RSL1D1: variants seen among roughly 807,000 people sequenced by gnomAD.
The protein encoded by RSL1D1 is ribosomal L1 domain containing 1.
In RSL1D1, 34 loss-of-function variants were observed where a neutral mutation model predicts 44.6. The observed-to-expected ratio is 0.76, with a 90% CI of 0.58 to 1.02. The LOEUF (loss-of-function observed/expected upper bound fraction) is 1.02. Ranked by LOEUF, RSL1D1 falls within the 50% of genes least tolerant of loss-of-function variation. The pLI, the probability that RSL1D1 is intolerant of heterozygous loss-of-function variation, is 0.00. For synonymous variants in RSL1D1, 271 were observed against 207.4 expected (o/e 1.31, Z -2.63); for missense variants, 767 against 568.1 (o/e 1.35, Z -3.56).
In RSL1D1 at chr16:11,834,135, T is replaced by C. The variant is rs542700485; in HGVS notation, c.*3652A>G. The C allele has an allele frequency of 2.6e-5, 4 of 152,292 alleles. No individual in the cohort carries two copies. In the South Asian group the frequency reaches 8.3e-4, roughly 32 times the overall value. 9.4% of individuals were successfully genotyped at this position (152,292 alleles called of 1,614,324 possible). ...ACTGTTGGCTCCTAGCACTATCAGCTGGCTAGGAATGTGTATGCAACACTT... is the reference window on the plus strand; with the variant it reads ...ACTGTTGGCTCCTAGCACTATCAGCCGGCTAGGAATGTGTATGCAACACTT... On this transcript the variant is annotated 3_prime_UTR_variant, in exon 9 of 9. Coordinates refer to ENST00000571133, the MANE Select transcript of RSL1D1 (RefSeq NM_015659.3).
intron 5 of RSL1D1, among the ~76,000 whole-genome samples, chr16:11,845,590 A>G (rs1446123101): frequency 6.6e-6 from 1 of 152,222 alleles, no homozygotes; most frequent in Non-Finnish European, 1.5e-5. Context: ...TTCAGCTTCT[A>G]ACACAGTAGC....
At chr16:11,843,862 ACT>A (rs1398606869) in intron 5 of RSL1D1, among the ~76,000 whole-genome samples, 1 of 93,032 alleles carries the variant, frequency 1.1e-5, no homozygotes, top group Non-Finnish European at 2.0e-5. Flanking sequence ...CAGAGCAAGA[ACT>A]CTGTCTCAAA....
intron 3 of RSL1D1, 180 bp downstream of exon 3, chr16:11,847,488 G>A (rs1351295146): frequency 3.6e-6 from 2 of 558,702 alleles, no homozygotes; most frequent in East Asian, 6.1e-5. Context: ...GGAATGACAC[G>A]AGCCACCTCT....
rs752219883 is a variant in RSL1D1 at position 11,851,492 on chromosome 16, G to C, written c.21C>G (p.Ala7=). 4 of 1,613,892 alleles carry C rather than the reference G, an allele frequency of 2.5e-6. No homozygotes were observed. Among genetic ancestry groups the C allele is most frequent in the Admixed American group, 3.3e-5 (2 of 60,020 alleles). The change falls in exon 1 of 9, where the codon GCC becomes GCG. Residue 7 remains alanine (A), a synonymous_variant. Coordinates refer to ENST00000571133, the MANE Select transcript of RSL1D1 (RefSeq NM_015659.3). ...CAGTAGCGGCTGCAGAAGACAGCGA[G>C]GCCGAGGCCGAATCCTCCATCTTGT... MEDSAS[A]SLSSAAATGT... is the part of the protein sequence containing the mutation.
Position 11,846,549 on chromosome 16 carries a change from T to G in RSL1D1, c.587A>C (p.Asp196Ala), listed in dbSNP as rs1260383631. The change falls in exon 5 of 9, where the codon GAC (aspartate) becomes GCC (alanine). Residue 196 changes from aspartate to alanine, a missense_variant. By Grantham distance (126) the Asp-to-Ala change is moderately radical. Coordinates refer to ENST00000571133, the MANE Select transcript of RSL1D1 (RefSeq NM_015659.3). ...GTTTAAGACTGTTCCACCTATACAG[T>G]CATTGATCTCTCTTGATAAATTCTT... ...LSKNLSREIN[D>A]CIGGTVLNIS... The G allele has an allele frequency of 1.2e-5, 20 of 1,607,778 alleles. No homozygotes were observed. Among genetic ancestry groups the G allele is most frequent in the Non-Finnish European group, 1.7e-5 (20 of 1,177,346 alleles).
At chr16:11,840,500 G>C (rs948860343) in intron 7 of RSL1D1, among the ~76,000 whole-genome samples, 1 of 152,156 alleles carries the variant, frequency 6.6e-6, no homozygotes, top group Non-Finnish European at 1.5e-5. Context: ...CTGGAAGGCG[G>C]GGGGTTGTAG....
Position 11,836,716 on chromosome 16 carries a change from G to C in RSL1D1, c.*1071C>G, listed in dbSNP as rs2141249295. 1 of 152,246 alleles carries C rather than the reference G, an allele frequency of 6.6e-6. No individual in the cohort carries two copies. Among genetic ancestry groups the C allele is most frequent in the Middle Eastern group, 3.4e-3 (1 of 294 alleles). 9.4% of individuals were successfully genotyped at this position (152,246 alleles called of 1,614,324 possible). A position where few individuals can be genotyped will look rare whatever the true frequency, so the allele number is the denominator to read the frequency against. On this transcript the variant is annotated 3_prime_UTR_variant, in exon 9 of 9. Coordinates refer to ENST00000571133, the MANE Select transcript of RSL1D1 (RefSeq NM_015659.3). ...CCATGTTAATTTCCCTTCCCATATG[G>C]ATGCTAATCCAGTGACTCATAAGCT... is the stretch of plus-strand genomic sequence containing the variant.
chr16:11,846,713 T>A lies in RSL1D1; in HGVS notation c.515A>T (p.His172Leu). 6.2e-7 allele frequency: 1 copy of A among 1,613,910 alleles called. No homozygotes were observed. The highest frequency in any genetic ancestry group is 8.5e-7 in the Non-Finnish European group (1 of 1,179,952). Reference protein sequence around the residue: ...RRLLPSLIGRHFYQRKKVPVS... With the variant: ...RRLLPSLIGRLFYQRKKVPVS... ...AACTTACTTCTTTCTTTGATAGAAA[T>A]GTCTCCCAATGAGTGAGGGTAAGAG... Residue 172 changes from histidine (H) to leucine (L), a missense_variant, in exon 4 of 9, where the codon CAT (histidine) becomes CTT (leucine). His to Leu is a moderately conservative substitution (Grantham distance 99). Coordinates refer to ENST00000571133, the MANE Select transcript of RSL1D1 (RefSeq NM_015659.3).
At chr16:11,841,575 A>C (rs1596439446) in intron 7 of RSL1D1, 120 bp downstream of exon 7, 1 of 906,510 alleles carries the variant, frequency 1.1e-6, no homozygotes, top group Non-Finnish European at 1.7e-6. Context: ...CAAAAGCACA[A>C]CCACCACAAA....
At chr16:11,846,224 C>T (rs963383168) in intron 5 of RSL1D1, among the ~76,000 whole-genome samples, 2 of 151,128 alleles carry the variant, frequency 1.3e-5, no homozygotes, top group Non-Finnish European at 3.0e-5. Context: ...AACCCTGTCT[C>T]TACTAAAAAT....
At chr16:11,849,747 T>G (rs1213664365) in intron 2 of RSL1D1, among the ~76,000 whole-genome samples, 1 of 152,226 alleles carries the variant, frequency 6.6e-6, no homozygotes, top group Non-Finnish European at 1.5e-5. Context: ...ACGTTTTCGA[T>G]TCAACAGACC....
Position 11,836,370 on chromosome 16 carries a change from T to C in RSL1D1, c.*1417A>G, listed in dbSNP as rs2053718596. ...AAGCCACTGCATCTAGCACCCACAT[T>C]ATCTTTGAAAGCAGTTGAGTCTTTG... On this transcript the variant is annotated 3_prime_UTR_variant, in exon 9 of 9. Coordinates refer to ENST00000571133, the MANE Select transcript of RSL1D1 (RefSeq NM_015659.3). The C allele has an allele frequency of 6.6e-6, 1 of 152,204 alleles. No individual in the cohort carries two copies. The highest frequency in any genetic ancestry group is 1.5e-5 in the Non-Finnish European group (1 of 68,050). 9.4% of individuals were successfully genotyped at this position (152,204 alleles called of 1,614,324 possible). A position where few individuals can be genotyped will look rare whatever the true frequency, so the allele number is the denominator to read the frequency against.
In RSL1D1 at chr16:11,837,998, G is replaced by C; in HGVS notation, c.1262C>G (p.Ser421Cys). 1 of 1,613,958 alleles carries C rather than the reference G, an allele frequency of 6.2e-7. No individual in the cohort carries two copies. Among genetic ancestry groups the C allele is most frequent in the Non-Finnish European group, 8.5e-7 (1 of 1,180,026 alleles). Residue 421 changes from serine to cysteine, a missense_variant, in exon 9 of 9, where the codon TCT (serine) becomes TGT (cysteine). By Grantham distance (112) the Ser-to-Cys change is moderately radical. Transcript: ENST00000571133. ...PASETPKAAE[S>C]ETPGKSPEKK... The stretch of plus-strand genomic sequence containing the variant: ...CTCTGGGCTTTTCCCTGGGGTCTCA[G>C]ACTCTGCAGCTTTTGGGGTCTCAGA...
At chr16:11,841,857 C>CT in intron 6 of RSL1D1, 37 bp from the exon 7 acceptor site, 1 of 1,612,192 alleles carries the variant, frequency 6.2e-7, no homozygotes, top group Non-Finnish European at 8.5e-7. Flanking sequence ...TCTACATATA[C>CT]TTTGTTTCTT....
intron 3 of RSL1D1, among the ~76,000 whole-genome samples, chr16:11,847,271 A>G (rs1254174719): frequency 2.0e-5 from 3 of 152,182 alleles, no homozygotes; most frequent in Admixed American, 2.0e-4. Flanking sequence ...GCTATTCGGT[A>G]GGCTGAGGTG....
chr16:11,843,871 C>CAAAAAA lies in RSL1D1; in HGVS notation c.636-1877_636-1872dup, dbSNP rs35833714. Among the ~76,000 whole-genome samples, 139 of 53,488 alleles carry CAAAAAA rather than the reference C, an allele frequency of 2.6e-3. 6 individuals carry two copies. Among genetic ancestry groups the CAAAAAA allele is most frequent in the African/African-American group, 6.0e-3 (93 of 15,608 alleles). The allele number at this position is 53,488 out of a possible 152,430, so 35.1% of individuals were successfully genotyped here. A position where few individuals can be genotyped will look rare whatever the true frequency, so the allele number is the denominator to read the frequency against. On this transcript the variant is annotated intron_variant, in intron 5 of 8. Coordinates refer to ENST00000571133, the MANE Select transcript of RSL1D1 (RefSeq NM_015659.3). ...GGGCGACAGAGCAAGAACTCTGTCT[C>CAAAAAA]AAAAAAAAAAAAAAAAAAAAAAAAG...
In RSL1D1 at chr16:11,835,182, ATGT is replaced by A. The variant is rs2053707778; in HGVS notation, c.*2602_*2604del. 1 of 149,710 alleles carries A rather than the reference ATGT, an allele frequency of 6.7e-6. No homozygotes were observed. Among genetic ancestry groups the A allele is most frequent in the South Asian group, 2.2e-4 (1 of 4,538 alleles). 9.3% of individuals were successfully genotyped at this position (149,710 alleles called of 1,614,324 possible). ...CTCCTCTAATTTCAGGGAGAGCTAGATGTTTTTTTTTTTCTCTTTTTTTCAGTT... is the reference window on the plus strand; with the variant it reads ...CTCCTCTAATTTCAGGGAGAGCTAGATTTTTTTTTTCTCTTTTTTTCAGTT... On this transcript the variant is annotated 3_prime_UTR_variant, in exon 9 of 9. Transcript: ENST00000571133.
rs1596440145 is a variant in RSL1D1, at chr16:11,842,858, C to T, written c.636-858G>A. Among the ~76,000 whole-genome samples the T allele has an allele frequency of 3.3e-5, 5 of 151,614 alleles. 1 individual carries two copies. In the South Asian group the frequency reaches 1.0e-3, roughly 32 times the overall value. ...GCAACCTTCGCCTCCTGGGTTCAAG[C>T]AATTCTCCTGCCTCAGCCTCCCTAG... On this transcript the variant is annotated intron_variant, in intron 5 of 8. Transcript: ENST00000571133.
chr16:11,837,494 G>T lies in RSL1D1; in HGVS notation c.*293C>A, dbSNP rs2053730138. Reference sequence around the variant, plus strand: ...GCCTCCCTAGTAGCTGGGATTACAGGTGTCCACCACCATGCCCAATTAATT... The same window carrying T: ...GCCTCCCTAGTAGCTGGGATTACAGTTGTCCACCACCATGCCCAATTAATT... On this transcript the variant is annotated 3_prime_UTR_variant, in exon 9 of 9. Transcript: ENST00000571133. 1 of 234,160 alleles carries T rather than the reference G, an allele frequency of 4.3e-6. No homozygotes were observed. The highest frequency in any genetic ancestry group is 9.5e-5 in the East Asian group (1 of 10,488). 14.5% of individuals were successfully genotyped at this position (234,160 alleles called of 1,614,324 possible).
Sources: allele counts gnomAD v4.1 joint callset (sites outside exome capture counted in the v4.1 genomes callset), GRCh38; gene constraint gnomAD v4.1.1; transcripts MANE v1.5; gene names NCBI Gene and HGNC (gene_info 2026-07-23, HGNC 2026-07-21).